Variants in FAM185A observed in about 807,000 individuals in gnomAD.
The protein encoded by FAM185A is family with sequence similarity 185 member A.
In FAM185A, 21 loss-of-function variants were observed where a neutral mutation model predicts 45.7. The ratio of observed to expected loss-of-function variants is 0.46; its 90% CI spans 0.33 to 0.66. The LOEUF (loss-of-function observed/expected upper bound fraction) is 0.66. Ranked by LOEUF, FAM185A falls within the 30% of genes least tolerant of loss-of-function variation. The probability of loss-of-function intolerance (pLI) is 0.03; values close to 1 mark genes in which losing one functional copy is unlikely to be tolerated. For missense variants in FAM185A, 305 were observed against 485.4 expected (o/e 0.63, Z 3.49); for synonymous variants, 117 against 194.0 (o/e 0.60, Z 3.30).
At position 102,764,967 on chromosome 7, in the gene FAM185A, A is replaced by G. The variant is rs565021849; in HGVS notation, c.793+3556A>G. On this transcript the variant is annotated intron_variant, in intron 4 of 7. Coordinates refer to ENST00000413034, the MANE Select transcript of FAM185A (RefSeq NM_001145268.2). ...GTGGGTGGGTGGGTGGTTGAAAGCA[A>G]ACATGTATTGAGTACCTAAATTGGC... 2.0e-5 allele frequency among the ~76,000 whole-genome samples: 3 copies of G among 152,402 alleles called. No individual in the cohort carries two copies. The East Asian group carries it at 5.8e-4, about 29-fold the overall frequency.
intron 3 of FAM185A, among the ~76,000 whole-genome samples, chr7:102,758,988 T>C (rs1793946049): frequency 6.6e-6 from 1 of 152,060 alleles, no homozygotes; most frequent in Admixed American, 6.5e-5. Flanking sequence ...ACCTTTCTCT[T>C]AGACCCCGTG....
the FAM185A span, among the ~76,000 whole-genome samples, chr7:102,829,406 C>T: frequency 6.6e-6 from 1 of 152,222 alleles, no homozygotes; most frequent in African/African-American, 2.4e-5. Context: ...AAGCACTGGC[C>T]TGCTTTCGCT....
chr7:102,825,340 TAAG>T, the FAM185A span, among the ~76,000 whole-genome samples: 9 of 152,278 alleles, frequency 5.9e-5, no homozygotes, highest in Middle Eastern at 6.8e-3. Context: ...GGTGGCTTTA[TAAG>T]AAGAAGAAAG....
At chr7:102,755,852 C>T (rs975825053) in intron 2 of FAM185A, 24 of 648,028 alleles carry the variant, frequency 3.7e-5, no homozygotes, top group African/African-American at 2.7e-4. Flanking sequence ...GTCACTGGGA[C>T]GGCAATGTCC....
At chr7:102,809,563 A>G (rs1797317256), downstream of FAM185A, among the ~76,000 whole-genome samples, 2 of 151,972 alleles carry the variant, frequency 1.3e-5, no homozygotes, top group Admixed American at 1.3e-4. Context: ...TTAGCTGGGT[A>G]TGGTGGCTCA....
At position 102,785,761 on chromosome 7, in the gene FAM185A, T is replaced by C. The variant is rs1562867133; in HGVS notation, c.932-1574T>C. Among the ~76,000 whole-genome samples, 6 of 152,200 alleles carry C rather than the reference T, an allele frequency of 3.9e-5. No individual in the cohort carries two copies. In the East Asian group the frequency reaches 7.7e-4, roughly 20 times the overall value. On this transcript the variant is annotated intron_variant, in intron 6 of 7. Transcript: ENST00000413034. ...GACCTAGGCAATACCATTCAGGACA[T>C]AGGCATGGGCAAGGACTTCATGTCT...
At chr7:102,836,663 T>C in the FAM185A span, among the ~76,000 whole-genome samples, 1 of 152,234 alleles carries the variant, frequency 6.6e-6, no homozygotes, top group African/African-American at 2.4e-5. Flanking sequence ...GGAAGAAAAC[T>C]TCCATATCTC....
the FAM185A span, among the ~76,000 whole-genome samples, chr7:102,837,344 G>A: frequency 6.6e-6 from 1 of 152,212 alleles, no homozygotes; most frequent in Non-Finnish European, 1.5e-5. Flanking sequence ...GAAGCTCCCT[G>A]TTTTAAAACA....
chr7:102,842,436 G>C, the FAM185A span, among the ~76,000 whole-genome samples: 4 of 152,202 alleles, frequency 2.6e-5, no homozygotes, highest in African/African-American at 9.7e-5. Flanking sequence ...ATGTGTCAAA[G>C]GCTACCAAAA....
At chr7:102,836,618 A>G in the FAM185A span, among the ~76,000 whole-genome samples, 1 of 152,194 alleles carries the variant, frequency 6.6e-6, no homozygotes, top group Non-Finnish European at 1.5e-5. Context: ...CTCCTTTCCC[A>G]TGTATCAGCC....
At chr7:102,810,169 T>C (rs997136988), downstream of FAM185A, among the ~76,000 whole-genome samples, 53 of 152,332 alleles carry the variant, frequency 3.5e-4, no homozygotes, top group African/African-American at 1.2e-3. Flanking sequence ...TATTCCTTTA[T>C]AGCAAAACAA....
rs145697983 is a variant in FAM185A at position 102,765,471 on chromosome 7, G to T, written c.793+4060G>T. Among the ~76,000 whole-genome samples the T allele has an allele frequency of 3.0e-3, 454 of 151,852 alleles. 15 individuals are homozygous for T. In the East Asian group the frequency reaches 0.058, roughly 19 times the overall value. On this transcript the variant is annotated intron_variant, in intron 4 of 7. Coordinates refer to ENST00000413034, the MANE Select transcript of FAM185A (RefSeq NM_001145268.2). ...AGAGCATGAAATTTATTTTTTGTCT[G>T]CATTTTCAATATTTTTATATACCCT...
At chr7:102,772,611 C>A (rs571827474) in intron 5 of FAM185A, among the ~76,000 whole-genome samples, 161 bp downstream of exon 5, 1 of 151,260 alleles carries the variant, frequency 6.6e-6, no homozygotes, top group Middle Eastern at 3.2e-3. Context: ...TATGTCCACT[C>A]GAAGAAAATC....
intron 6 of FAM185A, among the ~76,000 whole-genome samples, chr7:102,785,824 A>G (rs1795752130): frequency 6.6e-6 from 1 of 151,192 alleles, no homozygotes; most frequent in South Asian, 2.1e-4. Context: ...GCCAAAATTG[A>G]CAAATGGGAT....
chr7:102,787,432 G>A lies in FAM185A; in HGVS notation c.1029G>A (p.Met343Ile). ...DVNSEVHVQE[M>I]AEVRKDDVVT... Reference sequence around the variant, plus strand: ...ACTCAGAAGTCCATGTTCAGGAAATGGCTGAAGTTCGTAAAGATGATGTTG... The same window carrying A: ...ACTCAGAAGTCCATGTTCAGGAAATAGCTGAAGTTCGTAAAGATGATGTTG... The change falls in exon 7 of 8, where the codon ATG becomes ATA. Residue 343 changes from methionine (M) to isoleucine (I), a missense_variant. Met to Ile is a conservative substitution (Grantham distance 10). Transcript: ENST00000413034. 6.5e-7 allele frequency: 1 copy of A among 1,535,140 alleles called. No homozygotes were observed.
the FAM185A span, among the ~76,000 whole-genome samples, chr7:102,834,078 AAGGAAAGAAAAG>A: frequency 4.4e-5 from 5 of 112,752 alleles, no homozygotes; most frequent in Non-Finnish European, 8.4e-5. Context: ...GGAAGGAAGG[AAGGAAAGAAAAG>A]AAAGAAAGAA....
At chr7:102,779,849 GCTT>G (rs1795293728) in intron 6 of FAM185A, 1 of 95,020 alleles carries the variant, frequency 1.1e-5, no homozygotes, top group African/African-American at 4.3e-5. Context: ...ACCACACCCA[GCTT>G]TTTTTTTTTT....
intron 7 of FAM185A, among the ~76,000 whole-genome samples, chr7:102,792,433 A>C (rs1348476314): frequency 9.5e-6 from 1 of 105,486 alleles, no homozygotes; most frequent in Non-Finnish European, 1.8e-5. Flanking sequence ...TGGCAAATTT[A>C]ACATGTTGTG....
intron 6 of FAM185A, among the ~76,000 whole-genome samples, chr7:102,784,032 A>G (rs1795603127): frequency 6.6e-6 from 1 of 152,252 alleles, no homozygotes. Context: ...AATACAAACT[A>G]CCATCAGAGA....
Sources: allele counts gnomAD v4.1 joint callset (sites outside exome capture counted in the v4.1 genomes callset), GRCh38; gene constraint gnomAD v4.1.1; transcripts MANE v1.5; gene names NCBI Gene and HGNC (gene_info 2026-07-23, HGNC 2026-07-21).